Variants in ST3GAL3 observed in about 807,000 individuals in gnomAD.
The protein encoded by ST3GAL3 is ST3 beta-galactoside alpha-2,3-sialyltransferase 3.
Under a neutral mutation model 50.1 loss-of-function variants are expected in ST3GAL3, and 21 were observed. That is an observed-to-expected ratio of 0.42 (90% confidence interval 0.30 to 0.60). The LOEUF is 0.60. Ranked by LOEUF, ST3GAL3 falls within the 20% of genes least tolerant of loss-of-function variation. ST3GAL3 has a pLI of 0.19. For missense variants in ST3GAL3, 353 were observed against 489.4 expected (o/e 0.72, Z 2.63); for synonymous variants, 183 against 190.0 (o/e 0.96, Z 0.30).
At chr1:43,732,136 C>T (rs1023237274) in intron 1 of ST3GAL3, among the ~76,000 whole-genome samples, 3 of 152,166 alleles carry the variant, frequency 2.0e-5, no homozygotes, top group African/African-American at 4.8e-5. Flanking sequence ...CTCATTCTTT[C>T]CAGCTGGTAC....
intron 1 of ST3GAL3, among the ~76,000 whole-genome samples, chr1:43,719,750 T>G (rs1669407827): frequency 6.6e-6 from 1 of 151,110 alleles, no homozygotes; most frequent in African/African-American, 2.4e-5. Flanking sequence ...CTGGCCAACA[T>G]GGCGAAAGCC....
At chr1:43,871,410 AGTGTGAGGGAGAGGACGGG>A (rs1404856496) in intron 5 of ST3GAL3, among the ~76,000 whole-genome samples, 1 of 150,612 alleles carries the variant, frequency 6.6e-6, no homozygotes, top group East Asian at 2.0e-4. Context: ...GTGTTAATGG[AGTGTGAGGGAGAGGACGGG>A]GTGTGAGGGA....
chr1:43,891,935 A>C (rs2076735565), intron 5 of ST3GAL3, among the ~76,000 whole-genome samples: 1 of 152,162 alleles, frequency 6.6e-6, no homozygotes, highest in South Asian at 2.1e-4. Context: ...AGCCAAGAAC[A>C]CTTGAACCTA....
intron 1 of ST3GAL3, among the ~76,000 whole-genome samples, chr1:43,726,440 C>T (rs1052941572): frequency 4.6e-5 from 7 of 152,198 alleles, no homozygotes; most frequent in African/African-American, 1.4e-4. Context: ...GCACATGCCA[C>T]TATGCCCAGC....
At chr1:43,718,062 A>G (rs1020422604) in intron 1 of ST3GAL3, among the ~76,000 whole-genome samples, 2 of 149,520 alleles carry the variant, frequency 1.3e-5, no homozygotes, top group Non-Finnish European at 3.0e-5. Context: ...TAGTAGAGAC[A>G]GGGTTTCTCC....
At chr1:43,729,706 T>A (rs1464796982) in intron 1 of ST3GAL3, among the ~76,000 whole-genome samples, 2 of 152,244 alleles carry the variant, frequency 1.3e-5, no homozygotes, top group East Asian at 3.8e-4. Flanking sequence ...TAGTACCTAT[T>A]TTGTGTATGT....
chr1:43,856,744 T>C (rs1569772329), intron 5 of ST3GAL3, among the ~76,000 whole-genome samples: 1 of 152,148 alleles, frequency 6.6e-6, no homozygotes, highest in Non-Finnish European at 1.5e-5. Context: ...TAGCGTCAGG[T>C]GTTGGGACCT....
In ST3GAL3 at chr1:43,829,668, T is replaced by C. The variant is rs952086844; in HGVS notation, c.210-8551T>C. 1.8e-4 allele frequency among the ~76,000 whole-genome samples: 27 copies of C among 152,206 alleles called. No homozygotes were observed. In the East Asian group the frequency reaches 4.2e-3, roughly 24 times the overall value. ...CTGCTTTGGACCCTTGCACATATTGTATCCTCGGCTGAGAATGCCCTTCTC... is the reference window on the plus strand; with the variant it reads ...CTGCTTTGGACCCTTGCACATATTGCATCCTCGGCTGAGAATGCCCTTCTC... On this transcript the variant is annotated intron_variant, in intron 4 of 11. Coordinates refer to ENST00000347631, the MANE Select transcript of ST3GAL3 (RefSeq NM_006279.5).
At chr1:43,873,443 A>G (rs2073424972) in intron 5 of ST3GAL3, among the ~76,000 whole-genome samples, 1 of 152,208 alleles carries the variant, frequency 6.6e-6, no homozygotes, top group South Asian at 2.1e-4. Context: ...AAGTTTAAAC[A>G]TGCAGAGTTT....
At position 43,712,089 on chromosome 1, in the gene ST3GAL3, G is replaced by A. The variant is rs544166023; in HGVS notation, c.-31+4396G>A. Among the ~76,000 whole-genome samples the A allele has an allele frequency of 2.0e-5, 3 of 152,268 alleles. No individual in the cohort carries two copies. In the South Asian group the frequency reaches 6.2e-4, roughly 32 times the overall value. On this transcript the variant is annotated intron_variant, in intron 1 of 11. Transcript: ENST00000347631. ...ACTATTAATAGTTGTCTGACATTAA[G>A]CAGGAATCTTATTTTTGAGCCTAAG...
At chr1:43,889,669 A>G (rs772597158) in intron 5 of ST3GAL3, among the ~76,000 whole-genome samples, 11 of 152,204 alleles carry the variant, frequency 7.2e-5, no homozygotes, top group African/African-American at 2.7e-4. Flanking sequence ...TACATTTTCT[A>G]TATGTATACG....
At chr1:43,927,139 G>A (rs1290598984) in intron 11 of ST3GAL3, among the ~76,000 whole-genome samples, 4 of 152,186 alleles carry the variant, frequency 2.6e-5, no homozygotes, top group Non-Finnish European at 5.9e-5. Context: ...AGACTAGCCT[G>A]CCCAACATGG....
At chr1:43,736,761 C>A (rs1162580876) in intron 2 of ST3GAL3, 7 of 334,716 alleles carry the variant, frequency 2.1e-5, no homozygotes, top group South Asian at 1.8e-4. Context: ...TGGTTTCCAT[C>A]TGCCCTTAAA....
chr1:43,836,409 T>C (rs1322401990), intron 4 of ST3GAL3, among the ~76,000 whole-genome samples: 1 of 152,194 alleles, frequency 6.6e-6, no homozygotes, highest in Non-Finnish European at 1.5e-5. Context: ...CTAAAAGAAA[T>C]TGTGCATTGA....
intron 2 of ST3GAL3, among the ~76,000 whole-genome samples, chr1:43,783,417 A>T (rs1699986908): frequency 6.6e-6 from 1 of 151,970 alleles, no homozygotes; most frequent in Admixed American, 6.6e-5. Context: ...ACTGATACCA[A>T]GCTCTGACCA....
At chr1:43,708,284 C>T (rs1217937400) in intron 1 of ST3GAL3, 1 of 152,196 alleles carries the variant, frequency 6.6e-6, no homozygotes. Context: ...ATTTTGGATT[C>T]CTTTTTACAA....
At chr1:43,886,762 T>C (rs1281492507) in intron 5 of ST3GAL3, among the ~76,000 whole-genome samples, 1 of 152,222 alleles carries the variant, frequency 6.6e-6, no homozygotes, top group Non-Finnish European at 1.5e-5. Flanking sequence ...TATCCACTGC[T>C]CTTCCTAGAA....
At chr1:43,792,892 T>G (rs1368731367) in intron 3 of ST3GAL3, among the ~76,000 whole-genome samples, 1 of 152,174 alleles carries the variant, frequency 6.6e-6, no homozygotes, top group Non-Finnish European at 1.5e-5. Flanking sequence ...CAGAATGACG[T>G]GACTTTGAGG....
intron 1 of ST3GAL3, among the ~76,000 whole-genome samples, chr1:43,731,730 C>A (rs1675986594): frequency 6.6e-6 from 1 of 151,122 alleles, no homozygotes; most frequent in Admixed American, 6.6e-5. Context: ...GACGGGATTT[C>A]ACAGTGTTAG....
Sources: allele counts gnomAD v4.1 joint callset (sites outside exome capture counted in the v4.1 genomes callset), GRCh38; gene constraint gnomAD v4.1.1; transcripts MANE v1.5; gene names NCBI Gene and HGNC (gene_info 2026-07-23, HGNC 2026-07-21).